HFM1: variants seen among roughly 807,000 people sequenced by gnomAD.
HFM1 encodes the protein helicase for meiosis 1.
In HFM1, 169 loss-of-function variants were observed where a neutral mutation model predicts 192.1. The ratio of observed to expected loss-of-function variants is 0.88; its 90% CI spans 0.78 to 1.00. The LOEUF (loss-of-function observed/expected upper bound fraction) is 1.00. Ranked by LOEUF, HFM1 falls within the 50% of genes least tolerant of loss-of-function variation. HFM1 has a pLI of 0.00. For synonymous variants in HFM1, 525 were observed against 537.8 expected, an observed-to-expected ratio of 0.98 and a Z score of 0.33; for missense variants, 1,661 against 1,668.0, an observed-to-expected ratio of 1.00 and a Z score of 0.07.
At position 91,394,280 on chromosome 1, in the gene HFM1, C is replaced by T. The variant is rs754286331; in HGVS notation, c.307G>A (p.Asp103Asn). The part of the protein sequence containing the change: ...AFPSDKYEQD[D>N]LNLEGVGNND... ...TTACCTACCCCTTCTAAATTTAGAT[C>T]ATCCTGTTCATATTTATCAGAAGGA... Residue 103 changes from aspartate (D) to asparagine (N), a missense_variant, in exon 4 of 39, where the codon GAT (aspartate) becomes AAT (asparagine). Asp to Asn is a conservative substitution (Grantham distance 23, BLOSUM62 1). Transcript: ENST00000370425. 1 of 1,594,290 alleles carries T rather than the reference C, an allele frequency of 6.3e-7. No individual in the cohort carries two copies. Among genetic ancestry groups the T allele is most frequent in the South Asian group, 1.1e-5 (1 of 90,666 alleles).
At chr1:91,278,369 G>T (rs1343739597) in intron 30 of HFM1, among the ~76,000 whole-genome samples, 2 of 152,060 alleles carry the variant, frequency 1.3e-5, no homozygotes, top group Non-Finnish European at 2.9e-5. Flanking sequence ...CGGGGAAGGA[G>T]AGAGATGTTT....
In HFM1 at chr1:91,400,935, G is replaced by C. The variant is rs1351390546; in HGVS notation, c.71+77C>G. On this transcript the variant is annotated intron_variant, in intron 2 of 38. Coordinates refer to ENST00000370425, the MANE Select transcript of HFM1 (RefSeq NM_001017975.6). ...CATTTTTATTTGTATATTTACCAGA[G>C]AGAAAGCTAAAACTCACCCAAATTC... is the stretch of plus-strand genomic sequence containing the variant. 8.1e-6 allele frequency: 5 copies of C among 613,540 alleles called. No individual in the cohort carries two copies. In the East Asian group the frequency reaches 9.5e-5, roughly 12 times the overall value. 38.0% of individuals were successfully genotyped at this position (613,540 alleles called of 1,614,324 possible). A position where few individuals can be genotyped will look rare whatever the true frequency, so the allele number is the denominator to read the frequency against.
rs1400093187 is a variant in HFM1, at chr1:91,292,554, C to G, written c.3392-15492G>C. Reference sequence around the variant, plus strand: ...ACCACTGCTCAAGAAAATAAAAGAGCATACAAACAAATGGAAGAACATTCC... The same window carrying G: ...ACCACTGCTCAAGAAAATAAAAGAGGATACAAACAAATGGAAGAACATTCC... On this transcript the variant is annotated intron_variant, in intron 30 of 38. Transcript: ENST00000370425. Among the ~76,000 whole-genome samples, 168 of 151,656 alleles carry G rather than the reference C, an allele frequency of 1.1e-3. 2 individuals carry two copies. Among genetic ancestry groups the G allele is most frequent in the Non-Finnish European group, 1.1e-3 (74 of 67,898 alleles).
intron 35 of HFM1, among the ~76,000 whole-genome samples, 197 bp from the exon 36 acceptor site, chr1:91,266,304 T>C (rs997241397): frequency 6.6e-6 from 1 of 152,174 alleles, no homozygotes; most frequent in Non-Finnish European, 1.5e-5. Context: ...AACATATAGA[T>C]TAGCTTATTA....
chr1:91,370,216 G>T (rs1182424697), intron 13 of HFM1, among the ~76,000 whole-genome samples: 1 of 152,140 alleles, frequency 6.6e-6, no homozygotes, highest in Non-Finnish European at 1.5e-5. Flanking sequence ...TAGAAAAAGA[G>T]GGAATCCTCC....
Position 91,385,626 on chromosome 1 carries a change from T to C in HFM1, c.703A>G (p.Met235Val), listed in dbSNP as rs753960613. 15 of 1,613,326 alleles carry C rather than the reference T, an allele frequency of 9.3e-6. No individual in the cohort carries two copies. Among genetic ancestry groups the C allele is most frequent in the African/African-American group, 1.3e-5 (1 of 74,912 alleles). ...ACTGAAAAAGATGGTGCTTTGAACA[T>C]GCCTTCTCCGATTTCAGAAGCAGAA... is the stretch of plus-strand genomic sequence containing the variant. Reference protein sequence around the residue: ...AFSASEIGEGMFKAPSFSVAF... With the variant: ...AFSASEIGEGVFKAPSFSVAF... The change falls in exon 5 of 39, where the codon ATG becomes GTG. Residue 235 changes from methionine to valine, a missense_variant. Physicochemically the swap from Met to Val is conservative, Grantham distance 21. Transcript: ENST00000370425.
At chr1:91,347,317 C>A (rs1656271438) in intron 19 of HFM1, 112 bp downstream of exon 19, 1 of 523,658 alleles carries the variant, frequency 1.9e-6, no homozygotes. Flanking sequence ...TTTCTGCAGA[C>A]AAGTTTCCTT....
At chr1:91,302,947 A>C (rs1473770112) in intron 30 of HFM1, among the ~76,000 whole-genome samples, 2 of 152,162 alleles carry the variant, frequency 1.3e-5, no homozygotes, top group Non-Finnish European at 2.9e-5. Flanking sequence ...AAATAAAATA[A>C]AATAAAATTA....
chr1:91,293,026 TC>T (rs1314868787), intron 30 of HFM1, among the ~76,000 whole-genome samples: 1 of 152,148 alleles, frequency 6.6e-6, no homozygotes, highest in African/African-American at 2.4e-5. Context: ...CTGGATCCCT[TC>T]CTTACACCTT....
intron 30 of HFM1, among the ~76,000 whole-genome samples, chr1:91,291,425 T>A (rs1668738102): frequency 6.6e-6 from 1 of 152,084 alleles, no homozygotes; most frequent in South Asian, 2.1e-4. Context: ...TACAAACACC[T>A]CTACGCAAAT....
At chr1:91,344,848 G>A (rs1170169369) in intron 19 of HFM1, among the ~76,000 whole-genome samples, 1 of 149,990 alleles carries the variant, frequency 6.7e-6, no homozygotes, top group Non-Finnish European at 1.5e-5. Context: ...CCAGGCCCAA[G>A]CAATCTTCCC....
rs530430322 is a variant in HFM1 at position 91,289,755 on chromosome 1, C to T, written c.3392-12693G>A. ...GCGCGCCTGCATCCCAGGCACTCGG[C>T]AGGCTGAGGCAGGAGAATCAGGCAG... On this transcript the variant is annotated intron_variant, in intron 30 of 38. Coordinates refer to ENST00000370425, the MANE Select transcript of HFM1 (RefSeq NM_001017975.6). 4.7e-3 allele frequency among the ~76,000 whole-genome samples: 716 copies of T among 152,232 alleles called. 3 individuals are homozygous for T. The highest frequency in any genetic ancestry group is 6.9e-3 in the Non-Finnish European group (470 of 68,018).
intron 13 of HFM1, among the ~76,000 whole-genome samples, chr1:91,373,146 A>AC (rs959651889): frequency 1.2e-3 from 2 of 1,678 alleles, no homozygotes; most frequent in Admixed American, 0.02. Context: ...TTTTTAGTGG[A>AC]TTAAAAAAAA....
At chr1:91,300,778 C>T (rs1319455071) in intron 30 of HFM1, among the ~76,000 whole-genome samples, 16 of 152,200 alleles carry the variant, frequency 1.1e-4, no homozygotes, top group African/African-American at 3.9e-4. Context: ...ATTGATGGGA[C>T]GTATCTCAAA....
intron 13 of HFM1, among the ~76,000 whole-genome samples, chr1:91,364,941 T>C (rs941666740): frequency 6.6e-6 from 1 of 151,666 alleles, no homozygotes; most frequent in African/African-American, 2.4e-5. Context: ...TGTGTATATA[T>C]ATATAACATA....
intron 30 of HFM1, among the ~76,000 whole-genome samples, chr1:91,298,038 G>C (rs1557805597): frequency 6.6e-6 from 1 of 151,776 alleles, no homozygotes; most frequent in Non-Finnish European, 1.5e-5. Context: ...TAAAAACCTT[G>C]AAAAAAAATT....
chr1:91,344,506 C>T (rs1655842250), intron 19 of HFM1, among the ~76,000 whole-genome samples: 1 of 152,122 alleles, frequency 6.6e-6, no homozygotes, highest in African/African-American at 2.4e-5. Context: ...ATAAGCTGAG[C>T]ATGATTCTAA....
rs150531505 is a variant in HFM1, at chr1:91,400,149, A to C, written c.71+863T>G. ...TGAGGCAATTAATACACCTCATTAA[A>C]ATAGGATAATACAATACACTAAAAA... On this transcript the variant is annotated intron_variant, in intron 2 of 38. Transcript: ENST00000370425. Among the ~76,000 whole-genome samples the C allele has an allele frequency of 2.3e-3, 344 of 152,236 alleles. 1 individual carries two copies. The highest frequency in any genetic ancestry group is 7.8e-3 in the African/African-American group (326 of 41,574).
intron 30 of HFM1, among the ~76,000 whole-genome samples, chr1:91,297,109 T>G (rs962515738): frequency 2.0e-5 from 3 of 152,128 alleles, no homozygotes; most frequent in African/African-American, 7.2e-5. Flanking sequence ...TGCACTTTTC[T>G]AATGGTCTTA....
Sources: gnomAD v4.1 joint callset for allele counts (sites outside exome capture counted in the v4.1 genomes callset) on GRCh38, gnomAD v4.1.1 for gene constraint, MANE v1.5 for transcripts, NCBI Gene and HGNC (gene_info 2026-07-23, HGNC 2026-07-21) for gene names.